Variants in CFAP97 observed in about 807,000 individuals in gnomAD.
CFAP97 encodes cilia and flagella associated protein 97, also known as cilia- and flagella-associated protein 97.
CFAP97 carries 36 observed loss-of-function variants against 43.1 expected under a neutral mutation model. The ratio of observed to expected loss-of-function variants is 0.84; its 90% confidence interval spans 0.64 to 1.10. The LOEUF (loss-of-function observed/expected upper bound fraction) is 1.10. Among genes scored for constraint, CFAP97 ranks in the 50% least tolerant of loss-of-function variants. The probability of loss-of-function intolerance (pLI) is 0.00; values close to 1 mark genes in which losing one functional copy is unlikely to be tolerated. For missense variants in CFAP97, 657 were observed against 620.3 expected (o/e 1.06, Z -0.63); for synonymous variants, 228 against 225.7 (o/e 1.01, Z -0.09).
chr4:185,177,851 T>C (rs1735616398), intron 2 of CFAP97, among the ~76,000 whole-genome samples: 1 of 151,718 alleles, frequency 6.6e-6, no homozygotes, highest in Non-Finnish European at 1.5e-5. Context: ...TAAAACAAAA[T>C]AAATAAATAA....
intron 1 of CFAP97, among the ~76,000 whole-genome samples, chr4:185,197,489 G>A (rs1363688232): frequency 2.0e-5 from 3 of 151,566 alleles, no homozygotes; most frequent in Non-Finnish European, 4.4e-5. Flanking sequence ...GCAGTGGCGC[G>A]TGATCTCGGC....
chr4:185,161,450 CA>C lies in CFAP97; in HGVS notation c.*1347del, dbSNP rs1295934611. 1 of 152,074 alleles carries C rather than the reference CA, an allele frequency of 6.6e-6. No individual in the cohort carries two copies. Among genetic ancestry groups the C allele is most frequent in the Admixed American group, 6.6e-5 (1 of 15,264 alleles). 9.4% of individuals were successfully genotyped at this position (152,074 alleles called of 1,614,324 possible). On this transcript the variant is annotated 3_prime_UTR_variant, in exon 5 of 5. Coordinates refer to ENST00000458385, the MANE Select transcript of CFAP97 (RefSeq NM_020827.3). Reference sequence around the variant, plus strand: ...AAAAATGAAAATCTTATTGTGGCTACAGATCAAAAATTCATACTGAAAAAGA... The same window carrying C: ...AAAAATGAAAATCTTATTGTGGCTACGATCAAAAATTCATACTGAAAAAGA...
At chr4:185,169,630 C>A (rs1560855837) in intron 3 of CFAP97, 2 of 984,940 alleles carry the variant, frequency 2.0e-6, no homozygotes, top group African/African-American at 3.5e-5. Flanking sequence ...ATTAACCTAG[C>A]CCATCTTTTG....
At chr4:185,188,487 C>T (rs148569531) in intron 2 of CFAP97, among the ~76,000 whole-genome samples, 21 of 152,174 alleles carry the variant, frequency 1.4e-4, no homozygotes, top group African/African-American at 4.6e-4. Flanking sequence ...AGAATACAGG[C>T]GTGTGCCACT....
Position 185,162,696 on chromosome 4 carries a change from T to C in CFAP97, c.*102A>G, listed in dbSNP as rs1579223336. On this transcript the variant is annotated 3_prime_UTR_variant, in exon 5 of 5. Coordinates refer to ENST00000458385, the MANE Select transcript of CFAP97 (RefSeq NM_020827.3). ...ACAACTCACTGTTGTACACCTTCAA[T>C]TGCTAAAACGGTATTCTAGATGTTT... The C allele has an allele frequency of 1.6e-6, 2 of 1,280,542 alleles. No individual in the cohort carries two copies. Among genetic ancestry groups the C allele is most frequent in the East Asian group, 5.0e-5 (2 of 40,162 alleles). 79.3% of individuals were successfully genotyped at this position (1,280,542 alleles called of 1,614,324 possible).
chr4:185,200,274 C>T (rs1054435079), intron 1 of CFAP97, among the ~76,000 whole-genome samples: 3 of 152,118 alleles, frequency 2.0e-5, no homozygotes, highest in African/African-American at 7.2e-5. Context: ...GGCAGGAGGA[C>T]CAGTTGAGCC....
chr4:185,167,839 A>G (rs906117158), intron 3 of CFAP97, among the ~76,000 whole-genome samples: 18 of 114,992 alleles, frequency 1.6e-4, no homozygotes, highest in Non-Finnish European at 3.2e-4. Context: ...TACTAAAAAT[A>G]CAAAAAAAAA....
chr4:185,205,148 CTT>C (rs1386173907), upstream of CFAP97, among the ~76,000 whole-genome samples: 1 of 152,222 alleles, frequency 6.6e-6, no homozygotes, highest in African/African-American at 2.4e-5. Flanking sequence ...AATCAATTCT[CTT>C]TTTGTTGCCT....
intron 3 of CFAP97, among the ~76,000 whole-genome samples, chr4:185,167,984 G>A (rs1403559121): frequency 7.9e-6 from 1 of 126,528 alleles, no homozygotes; most frequent in African/African-American, 3.1e-5. Flanking sequence ...GGGTGACAGT[G>A]TAAGACTCCT....
At chr4:185,170,377 C>T (rs1260697768) in intron 3 of CFAP97, 2 of 472,598 alleles carry the variant, frequency 4.2e-6, no homozygotes, top group Non-Finnish European at 7.5e-6. Flanking sequence ...CTCCTGTATA[C>T]TAGCAGACAA....
chr4:185,202,257 T>C (rs1008935027), intron 1 of CFAP97, among the ~76,000 whole-genome samples: 1 of 152,162 alleles, frequency 6.6e-6, no homozygotes, highest in Non-Finnish European at 1.5e-5. Flanking sequence ...TGGCTGGGCA[T>C]GGAGGCTCAT....
At position 185,172,852 on chromosome 4, in the gene CFAP97, A is replaced by G. The variant is rs892801432; in HGVS notation, c.1320+2934T>C. Among the ~76,000 whole-genome samples, 414 of 136,800 alleles carry G rather than the reference A, an allele frequency of 3.0e-3. 3 individuals are homozygous for G. Among genetic ancestry groups the G allele is most frequent in the Middle Eastern group, 0.012 (3 of 250 alleles). The allele number at this position is 136,800 out of a possible 152,430, so 89.7% of individuals were successfully genotyped here. ...AACAAAGTGAGATCCCATCTCTACA[A>G]AAAAAAAAAAAAAAAAAAAGCATTG... On this transcript the variant is annotated intron_variant, in intron 3 of 4. Transcript: ENST00000458385.
At chr4:185,206,660 C>CAAAA (rs375061067), upstream of CFAP97, among the ~76,000 whole-genome samples, 31,600 of 76,954 alleles carry the variant, frequency 0.41, 6,582 homozygotes, top group East Asian at 0.57. Flanking sequence ...ACTCTTGTCT[C>CAAAA]AAAAAAAAAA....
chr4:185,167,830 A>G (rs1380627007), intron 3 of CFAP97, among the ~76,000 whole-genome samples: 2 of 124,050 alleles, frequency 1.6e-5, no homozygotes, highest in Non-Finnish European at 3.5e-5. Flanking sequence ...CCCCATCTCT[A>G]CTAAAAATAC....
intron 3 of CFAP97, among the ~76,000 whole-genome samples, chr4:185,171,223 G>A (rs1004462295): frequency 2.0e-5 from 3 of 151,906 alleles, no homozygotes; most frequent in African/African-American, 7.3e-5. Flanking sequence ...TAATGAGCTA[G>A]GCGGGGTGTC....
At chr4:185,186,063 A>G (rs1735995607) in intron 2 of CFAP97, among the ~76,000 whole-genome samples, 1 of 152,242 alleles carries the variant, frequency 6.6e-6, no homozygotes, top group Non-Finnish European at 1.5e-5. Context: ...GTTTTAACAT[A>G]ACAGACTTGA....
At chr4:185,165,685 CTTCT>C (rs1163718758) in intron 3 of CFAP97, among the ~76,000 whole-genome samples, 2 of 152,212 alleles carry the variant, frequency 1.3e-5, no homozygotes, top group East Asian at 3.8e-4. Context: ...ACAATCTTTT[CTTCT>C]TTCTTCCTTT....
At chr4:185,193,689 C>G (rs557415334) in intron 1 of CFAP97, among the ~76,000 whole-genome samples, 6 of 152,146 alleles carry the variant, frequency 3.9e-5, no homozygotes, top group African/African-American at 1.4e-4. Context: ...ATTATGTGCT[C>G]ACTATATTCA....
rs1049037877 is a variant in CFAP97, at chr4:185,182,872, G to C, written c.1055-6821C>G. 3.9e-5 allele frequency among the ~76,000 whole-genome samples: 6 copies of C among 152,248 alleles called. No individual in the cohort carries two copies. The East Asian group carries it at 1.2e-3, about 29-fold the overall frequency. On this transcript the variant is annotated intron_variant, in intron 2 of 4. Transcript: ENST00000458385. ...CCCAGCACTTTGGGAGGCTGACACG[G>C]GCGGATCATCTGAGGTCAGGAGTTC... is the stretch of plus-strand genomic sequence containing the variant.
Sources: gnomAD v4.1 joint callset for allele counts (sites outside exome capture counted in the v4.1 genomes callset) on GRCh38, gnomAD v4.1.1 for gene constraint, MANE v1.5 for transcripts, NCBI Gene and HGNC (gene_info 2026-07-23, HGNC 2026-07-21) for gene names.